The following TENM2 variants were observed in gnomAD, a reference collection of about 807,000 sequenced individuals.
TENM2 encodes teneurin-2.
In TENM2, 52 loss-of-function variants were observed where a neutral mutation model predicts 245.2. That is an observed-to-expected ratio of 0.21 (90% confidence interval 0.17 to 0.27). The LOEUF (loss-of-function observed/expected upper bound fraction) is 0.27. Ranked by LOEUF, TENM2 falls within the 10% of genes least tolerant of loss-of-function variation. The pLI, the probability that TENM2 is intolerant of heterozygous loss-of-function variation, is 1.00. For missense variants in TENM2, 3,046 were observed against 3,666.8 expected (o/e 0.83, Z 4.37); for synonymous variants, 1,363 against 1,438.9 (o/e 0.95, Z 1.19).
intron 2 of TENM2, among the ~76,000 whole-genome samples, chr5:167,594,100 T>C (rs1013760281): frequency 6.6e-6 from 1 of 152,164 alleles, no homozygotes; most frequent in East Asian, 1.9e-4. Context: ...ATTGAAGCAA[T>C]TTAAAAATAT....
the TENM2 span, among the ~76,000 whole-genome samples, chr5:167,197,481 G>C: frequency 6.6e-6 from 1 of 152,088 alleles, no homozygotes; most frequent in Non-Finnish European, 1.5e-5. Context: ...TAAGAGCCAA[G>C]AGGCTTCTTT....
intron 3 of TENM2, among the ~76,000 whole-genome samples, chr5:167,894,764 A>C (rs991994674): frequency 7.9e-5 from 12 of 152,158 alleles, no homozygotes; most frequent in African/African-American, 2.4e-4. Context: ...TTACTATTGT[A>C]TATTTAACTT....
At chr5:167,040,458 A>C in the TENM2 span, among the ~76,000 whole-genome samples, 8 of 152,144 alleles carry the variant, frequency 5.3e-5, no homozygotes, top group African/African-American at 1.9e-4. Context: ...TCATGATACT[A>C]GGTCAGGAAC....
chr5:167,424,515 A>T (rs1043544252), intron 2 of TENM2, among the ~76,000 whole-genome samples: 2 of 152,208 alleles, frequency 1.3e-5, no homozygotes, highest in Admixed American at 6.5e-5. Context: ...TAAAAGGATA[A>T]TAATTTTGCC....
intron 4 of TENM2, among the ~76,000 whole-genome samples, chr5:167,986,745 G>C (rs1488221982): frequency 6.6e-6 from 1 of 152,194 alleles, no homozygotes; most frequent in Admixed American, 6.5e-5. Flanking sequence ...AAGAAGTTCA[G>C]TTGGGGCATC....
At chr5:167,280,521 C>G (rs1770981449), upstream of TENM2, among the ~76,000 whole-genome samples, 1 of 152,112 alleles carries the variant, frequency 6.6e-6, no homozygotes, top group African/African-American at 2.4e-5. Context: ...GAAGGGCAAG[C>G]TTTCCACTTG....
intron 2 of TENM2, among the ~76,000 whole-genome samples, chr5:167,793,038 G>C (rs1195834060): frequency 6.6e-6 from 1 of 152,142 alleles, no homozygotes; most frequent in Non-Finnish European, 1.5e-5. Context: ...AGTAAATTAT[G>C]AGTTCCAACT....
intron 25 of TENM2, among the ~76,000 whole-genome samples, chr5:168,231,501 C>A (rs1764896664): frequency 6.6e-6 from 1 of 152,182 alleles, no homozygotes; most frequent in Non-Finnish European, 1.5e-5. Context: ...AGAGACTGCA[C>A]ATGGAAAAGA....
intron 2 of TENM2, among the ~76,000 whole-genome samples, chr5:167,509,785 T>G (rs926050037): frequency 1.3e-5 from 2 of 152,200 alleles, no homozygotes; most frequent in Non-Finnish European, 2.9e-5. Context: ...GTTATTCCCA[T>G]TATTTATTAT....
chr5:167,988,268 T>C (rs1363846340), intron 4 of TENM2, among the ~76,000 whole-genome samples: 1 of 152,150 alleles, frequency 6.6e-6, no homozygotes, highest in East Asian at 1.9e-4. Flanking sequence ...TTGGAAAAGG[T>C]TGTAAGTTAT....
chr5:168,254,943 A>G (rs940133004), intron 27 of TENM2, among the ~76,000 whole-genome samples: 2 of 151,968 alleles, frequency 1.3e-5, no homozygotes, highest in Non-Finnish European at 2.9e-5. Flanking sequence ...GCTACTAGAG[A>G]AGCTGAGGCA....
Position 167,872,524 on chromosome 5 carries a change from GAAAGAAAGAAAGAAAGAAAGAAAGAGAA to G in TENM2, c.503-3460_503-3433del, listed in dbSNP as rs1222796749. On this transcript the variant is annotated intron_variant, in intron 2 of 28. Coordinates refer to ENST00000518659, the Ensembl canonical transcript of TENM2. The stretch of plus-strand genomic sequence containing the variant: ...AGAAAGAAAGAAAGAAAGAAAGAAA[GAAAGAAAGAAAGAAAGAAAGAAAGAGAA>G]AGAAAGAAAGAAAGAAAGAAAGAAA... Among the ~76,000 whole-genome samples the G allele has an allele frequency of 5.3e-4, 27 of 51,394 alleles. No homozygotes were observed. The East Asian group carries it at 5.6e-3, about 11-fold the overall frequency. The allele number at this position is 51,394 out of a possible 152,430, so 33.7% of individuals were successfully genotyped here. A position where few individuals can be genotyped will look rare whatever the true frequency, so the allele number is the denominator to read the frequency against.
Position 167,621,342 on chromosome 5 carries a change from G to A in TENM2, c.502+245869G>A, listed in dbSNP as rs551704098. Among the ~76,000 whole-genome samples, 7 of 152,264 alleles carry A rather than the reference G, an allele frequency of 4.6e-5. No individual in the cohort carries two copies. The South Asian group carries it at 1.2e-3, about 27-fold the overall frequency. Reference sequence around the variant, plus strand: ...AGTTGTCAGAGAAAGCTGTACAGGGGTAGGGACATTTGAGCTGAAATCTAA... The same window carrying A: ...AGTTGTCAGAGAAAGCTGTACAGGGATAGGGACATTTGAGCTGAAATCTAA... On this transcript the variant is annotated intron_variant, in intron 2 of 28. Coordinates refer to ENST00000518659, the Ensembl canonical transcript of TENM2.
intron 1 of TENM2, among the ~76,000 whole-genome samples, chr5:167,304,909 C>G (rs1404877194): frequency 2.6e-5 from 4 of 152,148 alleles, no homozygotes; most frequent in Non-Finnish European, 5.9e-5. Flanking sequence ...CCTTGAAAGA[C>G]AGTGCCTCAC....
intron 2 of TENM2, among the ~76,000 whole-genome samples, chr5:167,449,245 A>G (rs1418935889): frequency 1.3e-5 from 2 of 152,202 alleles, no homozygotes; most frequent in Non-Finnish European, 2.9e-5. Context: ...ACAACAATGA[A>G]ATGAAGCATT....
chr5:167,089,881 C>T, the TENM2 span, among the ~76,000 whole-genome samples: 66 of 152,106 alleles, frequency 4.3e-4, no homozygotes, highest in African/African-American at 1.5e-3. Context: ...AGGAGCTCAG[C>T]GAGGAAGGGG....
the TENM2 span, among the ~76,000 whole-genome samples, chr5:167,240,864 G>A: frequency 2.0e-5 from 3 of 152,124 alleles, no homozygotes; most frequent in South Asian, 2.1e-4. Flanking sequence ...GCTAAGCCTC[G>A]TGTCCATTCT....
the TENM2 span, among the ~76,000 whole-genome samples, chr5:167,044,748 C>A: frequency 6.6e-6 from 1 of 152,172 alleles, no homozygotes; most frequent in Non-Finnish European, 1.5e-5. Context: ...GCACTAGAGC[C>A]AGAAGACTCA....
intron 2 of TENM2, among the ~76,000 whole-genome samples, chr5:167,796,556 A>G (rs1291777300): frequency 6.6e-6 from 1 of 151,962 alleles, no homozygotes; most frequent in African/African-American, 2.4e-5. Flanking sequence ...TCTCCCATTT[A>G]TACACTCTTA....
Sources: allele counts gnomAD v4.1 joint callset (sites outside exome capture counted in the v4.1 genomes callset), GRCh38; gene constraint gnomAD v4.1.1; transcripts MANE v1.5; gene names NCBI Gene and HGNC (gene_info 2026-07-23, HGNC 2026-07-21).